SLC38A4: variants seen among roughly 807,000 people sequenced by gnomAD.
SLC38A4 encodes the protein solute carrier family 38 member 4, also known as sodium-coupled neutral amino acid transporter 4.
In SLC38A4, 20 loss-of-function variants were observed where a neutral mutation model predicts 63.1. The ratio of observed to expected loss-of-function variants is 0.32; its 90% CI spans 0.22 to 0.46. The LOEUF (loss-of-function observed/expected upper bound fraction) is 0.46. Among genes scored for constraint, SLC38A4 ranks in the 20% least tolerant of loss-of-function variants. The pLI, the probability that SLC38A4 is intolerant of heterozygous loss-of-function variation, is 1.00. For synonymous variants in SLC38A4, 230 were observed against 225.5 expected (o/e 1.02, Z -0.18); for missense variants, 526 against 663.6 (o/e 0.79, Z 2.28).
In SLC38A4 at chr12:46,780,618, C is replaced by T. The variant is rs191734681; in HGVS notation, c.494-588G>A. 2.6e-5 allele frequency among the ~76,000 whole-genome samples: 4 copies of T among 151,436 alleles called. No homozygotes were observed. In the East Asian group the frequency reaches 7.8e-4, roughly 30 times the overall value. On this transcript the variant is annotated intron_variant, in intron 7 of 16. Transcript: ENST00000266579. ...TGTCAAAGAAGTTTTTTTTTTTCCC[C>T]CCTCTTCATCTTACTCTCCTTTTGG... is the stretch of plus-strand genomic sequence containing the variant.
At chr12:46,799,229 C>G (rs1939079023) in intron 2 of SLC38A4, among the ~76,000 whole-genome samples, 2 of 152,146 alleles carry the variant, frequency 1.3e-5, no homozygotes, top group African/African-American at 4.8e-5. Context: ...AAAACTCTCA[C>G]AAACATTGTG....
intron 1 of SLC38A4, among the ~76,000 whole-genome samples, chr12:46,820,852 T>G (rs1299021763): frequency 2.0e-5 from 3 of 152,110 alleles, no homozygotes; most frequent in Non-Finnish European, 4.4e-5. Flanking sequence ...ATCTTTTGTG[T>G]TTTTGATAAT....
intron 2 of SLC38A4, among the ~76,000 whole-genome samples, chr12:46,801,630 C>T (rs1939133980): frequency 6.6e-6 from 1 of 152,084 alleles, no homozygotes; most frequent in African/African-American, 2.4e-5. Context: ...AAGGGTCATG[C>T]AACTTCTAAA....
At chr12:46,774,611 G>T (rs1395918817) in intron 14 of SLC38A4, among the ~76,000 whole-genome samples, 1 of 151,910 alleles carries the variant, frequency 6.6e-6, no homozygotes, top group African/African-American at 2.4e-5. Flanking sequence ...AAGGCATCAG[G>T]TTAAAAAAGG....
At chr12:46,821,340 G>T (rs1939544608) in intron 1 of SLC38A4, among the ~76,000 whole-genome samples, 3 of 151,986 alleles carry the variant, frequency 2.0e-5, no homozygotes, top group Admixed American at 2.0e-4. Flanking sequence ...TGTTGTTTAT[G>T]ATGTAAGATA....
At position 46,779,701 on chromosome 12, in the gene SLC38A4, A is replaced by C. The variant is rs762538545; in HGVS notation, c.659-32T>G. On this transcript the variant is annotated intron_variant, in intron 9 of 16. Transcript: ENST00000266579. ...GTTAGAAGAAGCATTTTGGAAGGTGAATATGGCATCTACAATTAGCTAACC... is the reference window on the plus strand; with the variant it reads ...GTTAGAAGAAGCATTTTGGAAGGTGCATATGGCATCTACAATTAGCTAACC... 1.9e-6 allele frequency: 3 copies of C among 1,594,268 alleles called. No individual in the cohort carries two copies. The Admixed American group carries it at 5.3e-5, about 28-fold the overall frequency.
upstream of SLC38A4, among the ~76,000 whole-genome samples, chr12:46,829,445 TAA>T (rs5798002): frequency 1.9e-3 from 287 of 148,316 alleles, 1 homozygote; most frequent in East Asian, 0.019. Flanking sequence ...ATGTAAAAAG[TAA>T]AAAAAAAAAA....
chr12:46,778,053 G>T (rs1938566168), intron 12 of SLC38A4, among the ~76,000 whole-genome samples: 1 of 151,928 alleles, frequency 6.6e-6, no homozygotes, highest in African/African-American at 2.4e-5. Context: ...TTGTCCACCT[G>T]CCATGAACCC....
At chr12:46,775,290 C>T in intron 13 of SLC38A4, 117 bp from the exon 14 acceptor site, 1 of 1,264,188 alleles carries the variant, frequency 7.9e-7, no homozygotes, top group East Asian at 2.6e-5. Context: ...GCCTGGGAAT[C>T]CAGGCACCTC....
At chr12:46,782,606 A>G (rs537122688) in intron 7 of SLC38A4, among the ~76,000 whole-genome samples, 1 of 151,940 alleles carries the variant, frequency 6.6e-6, no homozygotes, top group East Asian at 2.0e-4. Context: ...CACAATCATC[A>G]TATATTTGTT....
chr12:46,783,224 AGAT>A (rs1938683394), intron 7 of SLC38A4, among the ~76,000 whole-genome samples: 3 of 141,140 alleles, frequency 2.1e-5, no homozygotes, highest in South Asian at 2.4e-4. Context: ...ATAAATTGAT[AGAT>A]GATAGATAGA....
At chr12:46,777,145 T>A in intron 12 of SLC38A4, 141 bp from the exon 13 acceptor site, 1 of 688,646 alleles carries the variant, frequency 1.5e-6, no homozygotes, top group Non-Finnish European at 2.4e-6. Flanking sequence ...ATAGCTGATT[T>A]AAATTTGTCT....
chr12:46,767,236 ATATG>A (rs1019835334), intron 16 of SLC38A4, among the ~76,000 whole-genome samples: 1 of 77,944 alleles, frequency 1.3e-5, no homozygotes, highest in African/African-American at 3.3e-5. Context: ...AAAAGTGTAT[ATATG>A]TGTGTGTGTG....
intron 1 of SLC38A4, among the ~76,000 whole-genome samples, chr12:46,808,035 A>G (rs1939269619): frequency 6.6e-6 from 1 of 152,000 alleles, no homozygotes; most frequent in Non-Finnish European, 1.5e-5. Context: ...ATATACATAT[A>G]TATCTTTGCA....
intron 2 of SLC38A4, among the ~76,000 whole-genome samples, chr12:46,800,473 G>T (rs1363181704): frequency 1.3e-5 from 2 of 151,784 alleles, no homozygotes; most frequent in African/African-American, 2.4e-5. Flanking sequence ...ACCTCTTAAG[G>T]CACTGTTCCC....
At chr12:46,827,733 T>TA (rs1939678634), upstream of SLC38A4, among the ~76,000 whole-genome samples, 1 of 152,132 alleles carries the variant, frequency 6.6e-6, no homozygotes, top group African/African-American at 2.4e-5. Flanking sequence ...TTATCTATGC[T>TA]AAAATAGAAT....
At chr12:46,792,301 G>A (rs75527579) in intron 3 of SLC38A4, among the ~76,000 whole-genome samples, 1 of 152,224 alleles carries the variant, frequency 6.6e-6, no homozygotes, top group African/African-American at 2.4e-5. Context: ...CTGACCGTTG[G>A]CTATGTGGGT....
In SLC38A4 at chr12:46,779,285, G is replaced by C. The variant is rs1252965507; in HGVS notation, c.717+326C>G. 2.6e-5 allele frequency among the ~76,000 whole-genome samples: 4 copies of C among 151,828 alleles called. No individual in the cohort carries two copies. The South Asian group carries it at 8.3e-4, about 32-fold the overall frequency. ...GCTGATTCATGTGAATATGGGTATA[G>C]CCTTCTTGTTTCTCATCTGGGACTC... On this transcript the variant is annotated intron_variant, in intron 10 of 16. Transcript: ENST00000266579.
intron 14 of SLC38A4, 43 bp downstream of exon 14, chr12:46,775,006 T>C (rs758558078): frequency 1.2e-6 from 2 of 1,601,300 alleles, no homozygotes; most frequent in South Asian, 1.1e-5. Context: ...TACTAATTTA[T>C]GGGGTCAAGT....
Sources: gnomAD v4.1 joint callset for allele counts (sites outside exome capture counted in the v4.1 genomes callset) on GRCh38, gnomAD v4.1.1 for gene constraint, MANE v1.5 for transcripts, NCBI Gene and HGNC (gene_info 2026-07-23, HGNC 2026-07-21) for gene names.